AP3D1: variants seen among roughly 807,000 people sequenced by gnomAD.
AP3D1 encodes the protein adaptor related protein complex 3 subunit delta 1.
In AP3D1, 51 loss-of-function variants were observed where a neutral mutation model predicts 147.6. The observed-to-expected ratio is 0.35, with a 90% confidence interval of 0.28 to 0.44. The LOEUF (loss-of-function observed/expected upper bound fraction) is 0.44. Among genes scored for constraint, AP3D1 ranks in the 20% least tolerant of loss-of-function variants. AP3D1 has a pLI of 1.00. For missense variants in AP3D1, 1,421 were observed against 1,624.2 expected (o/e 0.87, Z 2.15); for synonymous variants, 760 against 663.0 (o/e 1.15, Z -2.25).
intron 1 of AP3D1, among the ~76,000 whole-genome samples, chr19:2,143,593 T>G (rs2019280464): frequency 6.6e-6 from 1 of 151,568 alleles, no homozygotes; most frequent in African/African-American, 2.4e-5. Context: ...TGAAGCCCTG[T>G]TTCAAAAAAA....
intron 23 of AP3D1, 43 bp from the exon 24 acceptor site, chr19:2,113,010 G>A: frequency 6.6e-7 from 1 of 1,514,154 alleles, no homozygotes; most frequent in South Asian, 1.2e-5. Flanking sequence ...GGCAATGAGG[G>A]GCCCCACTCC....
upstream of AP3D1, among the ~76,000 whole-genome samples, chr19:2,151,962 G>T (rs1326405020): frequency 1.3e-5 from 2 of 152,236 alleles, no homozygotes; most frequent in Non-Finnish European, 2.9e-5. Context: ...AATAGCTGAC[G>T]CGGCCTGAGA....
At chr19:2,129,532 C>CGAG in intron 6 of AP3D1, 75 bp from the exon 7 acceptor site, 1 of 1,522,248 alleles carries the variant, frequency 6.6e-7, no homozygotes, top group Non-Finnish European at 8.8e-7. Flanking sequence ...TCCTGGCCCG[C>CGAG]GAGGAAGTTC....
Position 2,102,049 on chromosome 19 carries a change from C to A in AP3D1, c.*124G>T, listed in dbSNP as rs2017968522. On this transcript the variant is annotated 3_prime_UTR_variant, in exon 32 of 32. Transcript: ENST00000643116. The stretch of plus-strand genomic sequence containing the variant: ...CCTCGGATGTCTACACGGCGGACAA[C>A]ATAGAGTTAAATTAACACTCAGGCT... 1.4e-6 allele frequency: 1 copy of A among 722,584 alleles called. No individual in the cohort carries two copies. Among genetic ancestry groups the A allele is most frequent in the Non-Finnish European group, 2.4e-6 (1 of 424,976 alleles). 44.8% of individuals were successfully genotyped at this position (722,584 alleles called of 1,614,324 possible). A position where few individuals can be genotyped will look rare whatever the true frequency, so the allele number is the denominator to read the frequency against.
rs776798811 is a variant in AP3D1 at position 2,121,776 on chromosome 19, G to A, written c.1059C>T (p.Asp353=). Residue 353 remains aspartate, a synonymous_variant, in exon 12 of 32, where the codon GAC becomes GAT. Transcript: ENST00000643116. The part of the protein sequence containing the change: ...DLILQCLDDK[D]ESIRLRALDL... ...CCAGGGCCCGCAGCCGGATGGACTC[G>A]TCCTTGTCGTCCAGGCACTGCAGGA... 41 of 1,612,376 alleles carry A rather than the reference G, an allele frequency of 2.5e-5. No homozygotes were observed. Among genetic ancestry groups the A allele is most frequent in the East Asian group, 8.9e-5 (4 of 44,850 alleles).
Position 2,115,378 on chromosome 19 carries a change from C to A in AP3D1, c.2190G>T (p.Glu730Asp). ...MSDQYVKLEE[E>D]RRHRQKLEKD... ...TCTCCAGCTTCTGCCGGTGCCGCCGCTCCTCCTCCAGCTTCACATACTGAT... is the reference window on the plus strand; with the variant it reads ...TCTCCAGCTTCTGCCGGTGCCGCCGATCCTCCTCCAGCTTCACATACTGAT... The change falls in exon 20 of 32, where the codon GAG becomes GAT. Residue 730 changes from glutamate (E) to aspartate (D), a missense_variant. By Grantham distance (45) the Glu-to-Asp change is conservative (BLOSUM62 2). Around this residue, in one of 6 missense-constraint regions of AP3D1, gnomAD observed 791 missense variants for 761.4 expected, o/e 1.04. Coordinates refer to ENST00000643116, the MANE Select transcript of AP3D1 (RefSeq NM_001261826.3). The A allele has an allele frequency of 6.2e-7, 1 of 1,607,010 alleles. No individual in the cohort carries two copies. Among genetic ancestry groups the A allele is most frequent in the Non-Finnish European group, 8.5e-7 (1 of 1,179,906 alleles).
chr19:2,151,026 G>A (rs1261214356), intron 1 of AP3D1, among the ~76,000 whole-genome samples: 1 of 152,264 alleles, frequency 6.6e-6, no homozygotes, highest in Non-Finnish European at 1.5e-5. Flanking sequence ...GCTGCTCCAA[G>A]GCCTTCGCCC....
chr19:2,118,884 C>A, intron 14 of AP3D1, 52 bp from the exon 15 acceptor site: 1 of 1,547,348 alleles, frequency 6.5e-7, no homozygotes. Flanking sequence ...CGGGGCTCCT[C>A]TCTAGCAGGT....
rs370839081 is a variant in AP3D1, at chr19:2,112,939, G to A, written c.2708C>T (p.Thr903Ile). ...TGELSVNTVTTPKDECEDAKT... is the reference protein window; with the variant it reads ...TGELSVNTVTIPKDECEDAKT... Reference sequence around the variant, plus strand: ...GGCGTCCTCACACTCGTCCTTCGGGGTAGTGACAGTGTTCACACTGAGCTC... The same window carrying A: ...GGCGTCCTCACACTCGTCCTTCGGGATAGTGACAGTGTTCACACTGAGCTC... Residue 903 changes from threonine (T) to isoleucine (I), a missense_variant, in exon 24 of 32, where the codon ACC becomes ATC. Physicochemically the swap from Thr to Ile is moderately conservative, Grantham distance 89. This residue lies in a region of AP3D1 where 791 missense variants were observed against 761.4 expected (regional missense o/e 1.04). Coordinates refer to ENST00000643116, the MANE Select transcript of AP3D1 (RefSeq NM_001261826.3). 3.3e-5 allele frequency: 53 copies of A among 1,612,852 alleles called. No homozygotes were observed. Among genetic ancestry groups the A allele is most frequent in the Non-Finnish European group, 4.2e-5 (49 of 1,179,682 alleles).
intron 8 of AP3D1, among the ~76,000 whole-genome samples, chr19:2,127,824 G>C (rs114367451): frequency 5.8e-4 from 88 of 152,324 alleles, no homozygotes; most frequent in African/African-American, 2.0e-3. Flanking sequence ...ACAGCTCCCA[G>C]CCCTTTTCGG....
intron 31 of AP3D1, among the ~76,000 whole-genome samples, chr19:2,105,260 C>T (rs1190331499): frequency 6.6e-6 from 1 of 152,216 alleles, no homozygotes; most frequent in Non-Finnish European, 1.5e-5. Flanking sequence ...TGGCCATAAA[C>T]TGACCCCAAA....
In AP3D1 at chr19:2,136,928, A is replaced by G. The variant is rs1007899769; in HGVS notation, c.354+83T>C. The G allele has an allele frequency of 3.1e-5, 40 of 1,306,646 alleles. No homozygotes were observed. In the African/African-American group the frequency reaches 5.1e-4, roughly 17 times the overall value. 80.9% of individuals were successfully genotyped at this position (1,306,646 alleles called of 1,614,324 possible). The stretch of plus-strand genomic sequence containing the variant: ...GGGGCCACAGGCACCTGCTGCCCAC[A>G]GGAAGACGCGTGTGGGAACCAGACG... On this transcript the variant is annotated intron_variant, in intron 4 of 31. Coordinates refer to ENST00000643116, the MANE Select transcript of AP3D1 (RefSeq NM_001261826.3).
chr19:2,144,340 G>A (rs371115168), intron 1 of AP3D1, among the ~76,000 whole-genome samples: 5 of 152,268 alleles, frequency 3.3e-5, no homozygotes, highest in South Asian at 4.1e-4. Context: ...CAGGCTCAAC[G>A]CCCTCTGCAC....
chr19:2,152,859 G>A (rs2019582676), upstream of AP3D1, among the ~76,000 whole-genome samples: 1 of 151,978 alleles, frequency 6.6e-6, no homozygotes. Flanking sequence ...CTGGGCAACA[G>A]AGCGAGACTC....
At chr19:2,116,407 C>G (rs1291038209) in intron 17 of AP3D1, 129 bp from the exon 18 acceptor site, 57 of 1,233,268 alleles carry the variant, frequency 4.6e-5, no homozygotes, top group Non-Finnish European at 6.3e-5. Flanking sequence ...CTTTCACTAA[C>G]AGGGAAACCA....
At chr19:2,141,436 C>CTT (rs571171291) in intron 1 of AP3D1, among the ~76,000 whole-genome samples, 6 of 130,498 alleles carry the variant, frequency 4.6e-5, no homozygotes, top group African/African-American at 8.5e-5. Flanking sequence ...CCCTGGGGTA[C>CTT]TTTTTTTTTT....
At chr19:2,149,803 G>A (rs374573540) in intron 1 of AP3D1, among the ~76,000 whole-genome samples, 12 of 152,196 alleles carry the variant, frequency 7.9e-5, no homozygotes, top group Non-Finnish European at 1.5e-4. Flanking sequence ...AGGGACGGGC[G>A]CTGGGAGATC....
rs1438583997 is a variant in AP3D1 at position 2,128,986 on chromosome 19, CCGCCGCTCCG to C, written c.806+94_806+103del. 3 of 186,484 alleles carry C rather than the reference CCGCCGCTCCG, an allele frequency of 1.6e-5. 1 individual carries two copies. The African/African-American group carries it at 3.3e-4, about 20-fold the overall frequency. 11.6% of individuals were successfully genotyped at this position (186,484 alleles called of 1,614,324 possible). On this transcript the variant is annotated intron_variant, in intron 8 of 31. Transcript: ENST00000643116. ...TGCACCCCGTGGAGCCGGCCCGCCC[CCGCCGCTCCG>C]ACACTGCACCCCGTGGAGCCGGCCC...
chr19:2,114,356 C>A (rs2018379138), intron 21 of AP3D1, 54 bp from the exon 22 acceptor site: 2 of 1,451,116 alleles, frequency 1.4e-6, no homozygotes, highest in Non-Finnish European at 1.9e-6. Flanking sequence ...CCCCCCAGGA[C>A]CACTCAGTAC....
Sources: allele counts gnomAD v4.1 joint callset (sites outside exome capture counted in the v4.1 genomes callset), GRCh38; gene constraint gnomAD v4.1.1; regional missense constraint gnomAD v4.1.1; transcripts MANE v1.5; gene names NCBI Gene and HGNC (gene_info 2026-07-23, HGNC 2026-07-21).